Variants in MTMR1 observed in about 807,000 individuals in gnomAD.
MTMR1 encodes myotubularin related protein 1, also known as phosphatidylinositol-3-phosphate phosphatase MTMR1.
Under a neutral mutation model 51.6 loss-of-function variants are expected in MTMR1, and 17 were observed. The observed-to-expected ratio is 0.33, with a 90% confidence interval of 0.23 to 0.49. The LOEUF is 0.49. Ranked by LOEUF, MTMR1 falls within the 20% of genes least tolerant of loss-of-function variation. MTMR1 has a pLI of 0.99. For synonymous variants in MTMR1, 201 were observed against 205.6 expected, an observed-to-expected ratio of 0.98 and a Z score of 0.19; for missense variants, 386 against 526.9, an observed-to-expected ratio of 0.73 and a Z score of 2.62.
chrX:150,761,620 C>T (rs1234256160), intron 15 of MTMR1, among the ~76,000 whole-genome samples: 1 of 112,711 alleles, frequency 8.9e-6, no homozygotes, highest in African/African-American at 3.2e-5. Flanking sequence ...GGAGCCAGCC[C>T]TGTGGCTGCT....
At position 150,715,104 on chromosome X, in the gene MTMR1, G is replaced by A. The variant is rs146544036; in HGVS notation, c.276+2739G>A. ...AGAAGAGCAGCTCCAGGGATGTGTG[G>A]CATGCCCCAGGTGCTCAGCTGCACC... is the stretch of plus-strand genomic sequence containing the variant. On this transcript the variant is annotated intron_variant, in intron 3 of 15. Coordinates refer to ENST00000445323, the MANE Select transcript of MTMR1 (RefSeq NM_001306144.3). 8.1e-3 allele frequency among the ~76,000 whole-genome samples: 902 copies of A among 111,961 alleles called. 13 individuals carry two copies. Among genetic ancestry groups the A allele is most frequent in the African/African-American group, 0.028 (865 of 30,798 alleles).
At chrX:150,748,065 T>C (rs2042626184) in intron 13 of MTMR1, among the ~76,000 whole-genome samples, 1 of 111,637 alleles carries the variant, frequency 9.0e-6, no homozygotes, top group African/African-American at 3.3e-5. Context: ...TGTCTTTTCA[T>C]TGTAACCTGA....
At chrX:150,731,267 T>C (rs1192420133) in intron 8 of MTMR1, among the ~76,000 whole-genome samples, 1 of 112,272 alleles carries the variant, frequency 8.9e-6, no homozygotes, top group African/African-American at 3.2e-5. Flanking sequence ...TGGATATTCT[T>C]ATGCTTCTTT....
intron 6 of MTMR1, among the ~76,000 whole-genome samples, chrX:150,728,258 C>T (rs782260403): frequency 1.8e-5 from 2 of 112,288 alleles, no homozygotes; most frequent in African/African-American, 3.2e-5. Flanking sequence ...ACAAATGCAA[C>T]CATCCTTTTA....
chrX:150,745,306 A>G (rs1203452331), intron 13 of MTMR1, among the ~76,000 whole-genome samples: 1 of 111,639 alleles, frequency 9.0e-6, no homozygotes, highest in African/African-American at 3.3e-5. Flanking sequence ...GCTGAGATCC[A>G]GGGTCTGAGC....
intron 4 of MTMR1, 116 bp downstream of exon 4, chrX:150,718,816 C>A: frequency 1.5e-6 from 1 of 646,783 alleles, no homozygotes. Context: ...AATTAGGGGA[C>A]AAATGGACTA....
In MTMR1 at chrX:150,763,150, A is replaced by C. The variant is rs2043194366; in HGVS notation, c.*421A>C. The C allele has an allele frequency of 8.0e-6, 1 of 125,456 alleles. No homozygotes were observed. The highest frequency in any genetic ancestry group is 1.6e-5 in the Non-Finnish European group (1 of 60,905). The allele number at this position is 125,456 out of a possible 1,213,427, so 10.3% of individuals were successfully genotyped here. A position where few individuals can be genotyped will look rare whatever the true frequency, so the allele number is the denominator to read the frequency against. On this transcript the variant is annotated 3_prime_UTR_variant, in exon 16 of 16. Coordinates refer to ENST00000445323, the MANE Select transcript of MTMR1 (RefSeq NM_001306144.3). Reference sequence around the variant, plus strand: ...GTCTTGAATGAAGTACTTGGGGAGAAGACAGGCCACTGCCCTCTGTTCCAC... The same window carrying C: ...GTCTTGAATGAAGTACTTGGGGAGACGACAGGCCACTGCCCTCTGTTCCAC...
At chrX:150,744,935 A>G (rs1557417415) in intron 13 of MTMR1, among the ~76,000 whole-genome samples, 1 of 112,315 alleles carries the variant, frequency 8.9e-6, no homozygotes, top group African/African-American at 3.2e-5. Context: ...AACCAATGGC[A>G]TAGAGGAAGC....
At position 150,712,328 on chromosome X, in the gene MTMR1, A is replaced by G. The variant is rs781851269; in HGVS notation, c.253-14A>G. On this transcript the variant is annotated splice_polypyrimidine_tract_variant and intron_variant, in intron 2 of 15. Transcript: ENST00000445323. ...CATGTCCATGATGATGATATTCTGT[A>G]TTTTAACTAACAGGTTTTCAGGAGG... 4.9e-5 allele frequency: 57 copies of G among 1,161,729 alleles called. No homozygotes were observed. Among genetic ancestry groups the G allele is most frequent in the Middle Eastern group, 2.3e-4 (1 of 4,301 alleles).
chrX:150,723,663 T>A lies in MTMR1; in HGVS notation c.353-3552T>A, dbSNP rs370593128. Among the ~76,000 whole-genome samples the A allele has an allele frequency of 2.8e-3, 309 of 111,747 alleles. 2 individuals carry two copies. Among genetic ancestry groups the A allele is most frequent in the African/African-American group, 9.1e-3 (280 of 30,704 alleles). On this transcript the variant is annotated intron_variant, in intron 4 of 15. Coordinates refer to ENST00000445323, the MANE Select transcript of MTMR1 (RefSeq NM_001306144.3). ...TGTCATGGTAATTTGTTGTACAGAT[T>A]ATTTTATTACCCAGATACTAGGCCT... is the stretch of plus-strand genomic sequence containing the variant.
At chrX:150,745,654 G>A (rs2148655699) in intron 13 of MTMR1, among the ~76,000 whole-genome samples, 1 of 112,022 alleles carries the variant, frequency 8.9e-6, no homozygotes, top group African/African-American at 3.2e-5. Context: ...GGAGGACCTG[G>A]AGAACTCAGA....
intron 4 of MTMR1, among the ~76,000 whole-genome samples, chrX:150,724,240 C>CTTATTTTTTTTTT (rs1557416680): frequency 1.8e-5 from 2 of 110,014 alleles, no homozygotes; most frequent in African/African-American, 6.6e-5. Context: ...CTCATCATCT[C>CTTATTTTTTTTTT]TTATTTTTTT....
At chrX:150,699,738 T>C (rs2148549131) in intron 2 of MTMR1, among the ~76,000 whole-genome samples, 1 of 112,072 alleles carries the variant, frequency 8.9e-6, no homozygotes, top group Admixed American at 9.4e-5. Flanking sequence ...CAAAAGAGTA[T>C]TGTATGGGCA....
At chrX:150,701,407 T>G (rs1281463663) in intron 2 of MTMR1, among the ~76,000 whole-genome samples, 3 of 112,263 alleles carry the variant, frequency 2.7e-5, no homozygotes, top group African/African-American at 9.7e-5. Context: ...TCAGCTGATA[T>G]TTGAAATTAT....
Position 150,755,840 on chromosome X carries a change from G to T in MTMR1, c.1832G>T (p.Arg611Leu). The T allele has an allele frequency of 1.7e-6, 2 of 1,204,264 alleles. No homozygotes were observed. The highest frequency in any genetic ancestry group is 2.2e-6 in the Non-Finnish European group (2 of 892,668). Residue 611 changes from arginine to leucine, a missense_variant, in exon 15 of 16, where the codon CGA becomes CTA. Transcript: ENST00000445323. Reference sequence around the variant, plus strand: ...GAATTGTGGGTAAATTATTATGTACGATGGAATCCACGGATGAGACCTCAG... The same window carrying T: ...GAATTGTGGGTAAATTATTATGTACTATGGAATCCACGGATGAGACCTCAG... ...HLELWVNYYV[R>L]WNPRMRPQMP... is the part of the protein sequence containing the mutation.
rs1557415645 is a variant in MTMR1 at position 150,693,750 on chromosome X, C to G, written c.146+74C>G. 3 of 678,594 alleles carry G rather than the reference C, an allele frequency of 4.4e-6. No homozygotes were observed. The African/African-American group carries it at 7.2e-5, about 16-fold the overall frequency. The allele number at this position is 678,594 out of a possible 1,213,427, so 55.9% of individuals were successfully genotyped here. A position where few individuals can be genotyped will look rare whatever the true frequency, so the allele number is the denominator to read the frequency against. ...GGCCCCGCGCGAGGCCAGCCCGCCC[C>G]CTCCCCGCGCGCTGCGCAGGGCCTG... On this transcript the variant is annotated intron_variant, in intron 1 of 15. Coordinates refer to ENST00000445323, the MANE Select transcript of MTMR1 (RefSeq NM_001306144.3).
chrX:150,719,700 T>C (rs1364916638), intron 4 of MTMR1, among the ~76,000 whole-genome samples: 1 of 112,315 alleles, frequency 8.9e-6, no homozygotes, highest in Admixed American at 9.4e-5. Flanking sequence ...AGAGGTTGTT[T>C]TTCACTTTAG....
chrX:150,762,288 G>T (rs367963861), intron 15 of MTMR1, among the ~76,000 whole-genome samples: 2 of 112,388 alleles, frequency 1.8e-5, no homozygotes, highest in Non-Finnish European at 3.8e-5. Context: ...GTGCCTGCTT[G>T]TCTTCTGAGA....
intron 4 of MTMR1, among the ~76,000 whole-genome samples, chrX:150,726,725 AG>A (rs1361817040): frequency 8.9e-6 from 1 of 112,194 alleles, no homozygotes; most frequent in African/African-American, 3.2e-5. Flanking sequence ...AAAACTGATA[AG>A]GGGATAAGGA....
Sources: allele counts gnomAD v4.1 joint callset (sites outside exome capture counted in the v4.1 genomes callset), GRCh38; gene constraint gnomAD v4.1.1; transcripts MANE v1.5; gene names NCBI Gene and HGNC (gene_info 2026-07-23, HGNC 2026-07-21).